Variants in PEAK1 observed in about 807,000 individuals in gnomAD.
The protein encoded by PEAK1 is inactive tyrosine-protein kinase PEAK1.
In PEAK1, 54 loss-of-function variants were observed where a neutral mutation model predicts 124.7. The observed-to-expected ratio is 0.43, with a 90% CI of 0.35 to 0.54. PEAK1 has a LOEUF of 0.54. PEAK1 is among the 20% of genes least tolerant of loss of function. The pLI is 0.01. For missense variants in PEAK1, 2,046 were observed against 2,134.5 expected, an observed-to-expected ratio of 0.96 and a Z score of 0.82; for synonymous variants, 719 against 760.0, an observed-to-expected ratio of 0.95 and a Z score of 0.89.
Position 77,114,498 on chromosome 15 carries a change from G to C in PEAK1, c.4899C>G (p.Pro1633=). Residue 1633 remains proline, a synonymous_variant, in exon 10 of 10, where the codon CCC becomes CCG. Coordinates refer to ENST00000682557, the MANE Select transcript of PEAK1 (RefSeq NM_001385026.1). ...ADLPRIPFRS[P]YSRGLQQLAS... is the part of the protein sequence containing the mutation. ...CCAGCTGCTGCAGACCCCGGGAGTAGGGGGAGCGGAATGGGATGCGAGGCA... is the reference window on the plus strand; with the variant it reads ...CCAGCTGCTGCAGACCCCGGGAGTACGGGGAGCGGAATGGGATGCGAGGCA... 6.2e-7 allele frequency: 1 copy of C among 1,614,026 alleles called. No individual in the cohort carries two copies. The highest frequency in any genetic ancestry group is 8.5e-7 in the Non-Finnish European group (1 of 1,179,968).
chr15:77,320,216 C>T (rs1385608932), intron 2 of PEAK1, among the ~76,000 whole-genome samples: 1 of 152,062 alleles, frequency 6.6e-6, no homozygotes, highest in Non-Finnish European at 1.5e-5. Flanking sequence ...CTCTTTACTC[C>T]CTAGTGTCAC....
chr15:77,216,041 C>T (rs557157651), intron 6 of PEAK1, among the ~76,000 whole-genome samples: 1 of 152,230 alleles, frequency 6.6e-6, no homozygotes, highest in South Asian at 2.1e-4. Flanking sequence ...AGGCTATCTT[C>T]CCATATAAAT....
intron 9 of PEAK1, among the ~76,000 whole-genome samples, chr15:77,130,714 A>G (rs904406938): frequency 2.0e-5 from 3 of 152,228 alleles, no homozygotes; most frequent in African/African-American, 7.2e-5. Flanking sequence ...CACTACCTTA[A>G]GTTTACATAT....
At chr15:77,336,188 A>G in intron 2 of PEAK1, 1 of 985,428 alleles carries the variant, frequency 1.0e-6, no homozygotes, top group Non-Finnish European at 1.2e-6. Flanking sequence ...ACAACCACAG[A>G]GCTTCAGGGG....
intron 5 of PEAK1, among the ~76,000 whole-genome samples, chr15:77,258,208 C>A (rs201732151): frequency 3.9e-5 from 6 of 152,246 alleles, no homozygotes; most frequent in East Asian, 1.9e-4. Flanking sequence ...CTTGGCAATG[C>A]GGGCTCTTTT....
At chr15:77,364,083 C>T (rs916220297) in intron 2 of PEAK1, among the ~76,000 whole-genome samples, 1 of 152,094 alleles carries the variant, frequency 6.6e-6, no homozygotes, top group Non-Finnish European at 1.5e-5. Flanking sequence ...CCTGTAATCC[C>T]AGCTACTGGG....
intron 5 of PEAK1, among the ~76,000 whole-genome samples, chr15:77,264,933 C>T (rs897759120): frequency 6.6e-6 from 1 of 152,034 alleles, no homozygotes; most frequent in African/African-American, 2.4e-5. Flanking sequence ...CAGAACAGAG[C>T]CCTCAGAAAT....
chr15:77,191,603 C>T (rs188160201), intron 6 of PEAK1, among the ~76,000 whole-genome samples: 1 of 152,298 alleles, frequency 6.6e-6, no homozygotes, highest in East Asian at 1.9e-4. Flanking sequence ...TGCAAGGAAA[C>T]TTTAGCATTC....
rs752547886 is a variant in PEAK1 at position 77,178,947 on chromosome 15, C to T, written c.2980G>A (p.Asp994Asn). ...ACACTGAGCTGGCCTTGAGCAGGGT[C>T]GCACCTGTACATGAAGACAATGGCT... ...KPAIVFMYRC[D>N]PAQGQLSVDQ... is the part of the protein sequence containing the mutation. The change falls in exon 7 of 10, where the codon GAC becomes AAC. Residue 994 changes from aspartate (D) to asparagine (N), a missense_variant. Coordinates refer to ENST00000682557, the MANE Select transcript of PEAK1 (RefSeq NM_001385026.1). 2.9e-5 allele frequency: 47 copies of T among 1,613,950 alleles called. No homozygotes were observed. Among genetic ancestry groups the T allele is most frequent in the East Asian group, 1.1e-4 (5 of 44,866 alleles).
At chr15:77,107,458 G>C (rs1055027591), downstream of PEAK1, 1 of 152,258 alleles carries the variant, frequency 6.6e-6, no homozygotes, top group Non-Finnish European at 1.5e-5. Context: ...CTTGCTAGTG[G>C]AGAAGAGCAG....
chr15:77,234,796 C>G (rs538763217), intron 6 of PEAK1, among the ~76,000 whole-genome samples: 1 of 151,906 alleles, frequency 6.6e-6, no homozygotes, highest in South Asian at 2.1e-4. Context: ...CCACCATGTC[C>G]AGCTAATTAA....
intron 6 of PEAK1, among the ~76,000 whole-genome samples, chr15:77,225,666 TTATATATATATA>T (rs55958042): frequency 9.1e-5 from 8 of 87,986 alleles, no homozygotes; most frequent in Admixed American, 1.3e-4. Context: ...TGTGTATAAT[TTATATATATATA>T]TATATATATA....
intron 6 of PEAK1, among the ~76,000 whole-genome samples, chr15:77,184,417 T>C (rs1227903898): frequency 7.2e-5 from 11 of 152,282 alleles, no homozygotes; most frequent in Non-Finnish European, 5.9e-5. Flanking sequence ...TGCAGTTTCT[T>C]ATAGAGTTAA....
intron 2 of PEAK1, among the ~76,000 whole-genome samples, chr15:77,338,368 T>C (rs1054375098): frequency 2.0e-5 from 3 of 152,186 alleles, no homozygotes; most frequent in African/African-American, 7.2e-5. Context: ...TACCTCCACC[T>C]TGAATTGCAC....
At chr15:77,121,053 C>G (rs556058842) in intron 9 of PEAK1, among the ~76,000 whole-genome samples, 97 of 152,158 alleles carry the variant, frequency 6.4e-4, no homozygotes, top group Middle Eastern at 3.4e-3. Context: ...CATTTTTTAT[C>G]TTTAAAAAAT....
chr15:77,272,644 G>A (rs2062097254), intron 5 of PEAK1, among the ~76,000 whole-genome samples: 1 of 151,964 alleles, frequency 6.6e-6, no homozygotes, highest in Non-Finnish European at 1.5e-5. Flanking sequence ...AAAAGTCCAG[G>A]ACTAGATGGA....
At position 77,143,417 on chromosome 15, in the gene PEAK1, G is replaced by A. The variant is rs1419468334; in HGVS notation, c.3332-9667C>T. Among the ~76,000 whole-genome samples the A allele has an allele frequency of 2.0e-5, 3 of 152,132 alleles. No individual in the cohort carries two copies. In the East Asian group the frequency reaches 5.8e-4, roughly 29 times the overall value. On this transcript the variant is annotated intron_variant, in intron 8 of 9. Transcript: ENST00000682557. Reference sequence around the variant, plus strand: ...ACCACTAGAGAGATGTTTTTCAAACGCCAAAGCATTTCATGACACTTCTCT... The same window carrying A: ...ACCACTAGAGAGATGTTTTTCAAACACCAAAGCATTTCATGACACTTCTCT...
intron 8 of PEAK1, among the ~76,000 whole-genome samples, chr15:77,147,989 T>G (rs932155297): frequency 2.6e-5 from 4 of 152,184 alleles, no homozygotes; most frequent in Non-Finnish European, 5.9e-5. Flanking sequence ...TTTTATAAAT[T>G]TATATTTAAG....
At position 77,179,097 on chromosome 15, in the gene PEAK1, CTT is replaced by C. The variant is rs779609191; in HGVS notation, c.2828_2829del (p.Lys943ArgfsTer40). 5.0e-6 allele frequency: 8 copies of C among 1,614,090 alleles called. No individual in the cohort carries two copies. The highest frequency in any genetic ancestry group is 6.8e-6 in the Non-Finnish European group (8 of 1,180,052). Reference protein sequence around the residue: ...RRRKTDEEDDKEKEREKGKLV... With the variant: ...RRRKTDEEDDXEKEREKGKLV... ...AGTTTCCCTTTCTCTCGCTCTTTCT[CTT>C]TGTCATCCTCCTCATCTGTTTTCCG... On this transcript the variant is annotated frameshift_variant, in exon 7 of 10. Coordinates refer to ENST00000682557, the MANE Select transcript of PEAK1 (RefSeq NM_001385026.1). LOFTEE classifies it high-confidence loss of function.
Sources: gnomAD v4.1 joint callset for allele counts (sites outside exome capture counted in the v4.1 genomes callset) on GRCh38, gnomAD v4.1.1 for gene constraint, MANE v1.5 for transcripts, NCBI Gene and HGNC (gene_info 2026-07-23, HGNC 2026-07-21) for gene names.